Variants in DOCK2 observed in about 807,000 individuals in gnomAD.
DOCK2 encodes dedicator of cytokinesis 2.
In DOCK2, 87 loss-of-function variants were observed where a neutral mutation model predicts 248.9. That is an observed-to-expected ratio of 0.35 (90% CI 0.29 to 0.42). DOCK2 has a LOEUF of 0.42. Ranked by LOEUF, DOCK2 falls within the 10% of genes least tolerant of loss-of-function variation. DOCK2 has a pLI of 1.00. For synonymous variants in DOCK2, 805 were observed against 821.6 expected, an observed-to-expected ratio of 0.98 and a Z score of 0.35; for missense variants, 1,747 against 2,300.2, an observed-to-expected ratio of 0.76 and a Z score of 4.92.
chr5:169,691,188 A>T (rs1256479720), intron 9 of DOCK2, among the ~76,000 whole-genome samples: 1 of 152,104 alleles, frequency 6.6e-6, no homozygotes, highest in Admixed American at 6.5e-5. Context: ...ACACACTTTT[A>T]AACAACCAGG....
chr5:170,052,309 G>T (rs1756946833), intron 41 of DOCK2, among the ~76,000 whole-genome samples: 1 of 152,140 alleles, frequency 6.6e-6, no homozygotes, highest in Non-Finnish European at 1.5e-5. Flanking sequence ...ATATGAATTT[G>T]GTTATAGGCG....
chr5:169,778,773 G>C (rs1161272079), intron 25 of DOCK2, among the ~76,000 whole-genome samples: 1 of 152,144 alleles, frequency 6.6e-6, no homozygotes, highest in Non-Finnish European at 1.5e-5. Context: ...AACCCTGAAG[G>C]GGCTTCACCT....
At position 169,834,889 on chromosome 5, in the gene DOCK2, CA is replaced by C. The variant is rs143595578; in HGVS notation, c.2704-5867del. ...AACAGAAGCAAATCTACTTGGAGGA[CA>C]CAGACTCTGTGAGGCAAAGCAAACT... On this transcript the variant is annotated intron_variant, in intron 26 of 51. Coordinates refer to ENST00000520908, the MANE Select transcript of DOCK2 (RefSeq NM_004946.3). 3.8e-3 allele frequency among the ~76,000 whole-genome samples: 583 copies of C among 152,294 alleles called. 2 individuals are homozygous for C. Among genetic ancestry groups the C allele is most frequent in the African/African-American group, 0.014 (562 of 41,584 alleles).
chr5:169,953,078 C>T (rs1445837836), intron 27 of DOCK2, among the ~76,000 whole-genome samples: 1 of 152,136 alleles, frequency 6.6e-6, no homozygotes, highest in Non-Finnish European at 1.5e-5. Context: ...AATCCCAGCA[C>T]TTTGGGAGGC....
intron 27 of DOCK2, among the ~76,000 whole-genome samples, chr5:169,918,185 C>G (rs965173747): frequency 6.6e-6 from 1 of 152,192 alleles, no homozygotes; most frequent in Admixed American, 6.5e-5. Context: ...AATACAGAAA[C>G]CACATATGAT....
chr5:169,842,094 T>A (rs760099017), intron 27 of DOCK2, among the ~76,000 whole-genome samples: 19 of 152,210 alleles, frequency 1.2e-4, no homozygotes, highest in Non-Finnish European at 2.6e-4. Context: ...AATTTCCATG[T>A]TTTGTATGAA....
chr5:170,005,438 CAG>C (rs978648469), intron 30 of DOCK2, among the ~76,000 whole-genome samples: 5 of 152,252 alleles, frequency 3.3e-5, no homozygotes, highest in Non-Finnish European at 7.4e-5. Context: ...TTGGAGAAGA[CAG>C]GGCATACAAA....
chr5:169,835,159 T>C (rs1027441511), intron 26 of DOCK2, among the ~76,000 whole-genome samples: 22 of 151,870 alleles, frequency 1.4e-4, no homozygotes, highest in African/African-American at 4.1e-4. Context: ...GTAATAAATA[T>C]TGATCAAAGC....
intron 9 of DOCK2, 21 bp from the exon 10 acceptor site, chr5:169,695,782 T>G: frequency 1.2e-6 from 2 of 1,612,524 alleles, no homozygotes; most frequent in Non-Finnish European, 1.7e-6. Context: ...GATGGTCAAT[T>G]TTTTGTTTCT....
chr5:170,057,733 AG>A, intron 44 of DOCK2, 67 bp downstream of exon 44: 1 of 1,404,020 alleles, frequency 7.1e-7, no homozygotes, highest in East Asian at 2.4e-5. Context: ...CAGTCTCCAA[AG>A]GCCCCTTTGA....
At chr5:169,937,471 G>A (rs1005683543) in intron 27 of DOCK2, among the ~76,000 whole-genome samples, 2 of 152,184 alleles carry the variant, frequency 1.3e-5, no homozygotes, top group African/African-American at 4.8e-5. Flanking sequence ...GATGCTGCAC[G>A]CTTATCTGTG....
chr5:169,973,837 T>C (rs1376258567), intron 27 of DOCK2, among the ~76,000 whole-genome samples: 1 of 152,232 alleles, frequency 6.6e-6, no homozygotes. Flanking sequence ...ATCATCTAGC[T>C]AGCTTTATCC....
intron 32 of DOCK2, among the ~76,000 whole-genome samples, chr5:170,010,486 G>A (rs1389881274): frequency 2.6e-5 from 4 of 152,150 alleles, no homozygotes; most frequent in Non-Finnish European, 5.9e-5. Context: ...AAGGGCCTGC[G>A]GCAGAGTGAA....
chr5:169,921,481 G>A (rs1311522690), intron 27 of DOCK2, among the ~76,000 whole-genome samples: 1 of 152,160 alleles, frequency 6.6e-6, no homozygotes, highest in Non-Finnish European at 1.5e-5. Flanking sequence ...CACATTCCAT[G>A]GAACACTAAG....
chr5:170,040,802 A>C (rs572101703), intron 36 of DOCK2: 1 of 423,426 alleles, frequency 2.4e-6, no homozygotes, highest in Non-Finnish European at 4.1e-6. Context: ...CCTGAGACTC[A>C]TCTCATAGGG....
intron 23 of DOCK2, among the ~76,000 whole-genome samples, chr5:169,751,609 C>G (rs976852143): frequency 2.6e-5 from 4 of 152,164 alleles, no homozygotes; most frequent in African/African-American, 9.7e-5. Flanking sequence ...TCAGCTGTGT[C>G]CACTGTTAAC....
At chr5:169,745,412 G>A (rs1763556924) in intron 22 of DOCK2, among the ~76,000 whole-genome samples, 1 of 152,198 alleles carries the variant, frequency 6.6e-6, no homozygotes, top group South Asian at 2.1e-4. Flanking sequence ...CTGGGGCCAG[G>A]CACCCATGCT....
intron 26 of DOCK2, among the ~76,000 whole-genome samples, chr5:169,809,022 C>T (rs1024399781): frequency 6.6e-6 from 1 of 151,540 alleles, no homozygotes; most frequent in East Asian, 1.9e-4. Context: ...GATAAGGTCT[C>T]ACTCTGTTGC....
At chr5:169,853,423 A>T (rs1397976098) in intron 27 of DOCK2, among the ~76,000 whole-genome samples, 1 of 152,182 alleles carries the variant, frequency 6.6e-6, no homozygotes, top group African/African-American at 2.4e-5. Flanking sequence ...CTGTCAAATG[A>T]TCCTTCAAAA....
Sources: gnomAD v4.1 joint callset for allele counts (sites outside exome capture counted in the v4.1 genomes callset) on GRCh38, gnomAD v4.1.1 for gene constraint, MANE v1.5 for transcripts, NCBI Gene and HGNC (gene_info 2026-07-23, HGNC 2026-07-21) for gene names.